CFAP96: variants seen among roughly 807,000 people sequenced by gnomAD.
The protein encoded by CFAP96 is cilia-and flagella-associated protein 96.
the CFAP96 span, chr4:185,418,859 A>T: frequency 4.2e-5 from 44 of 1,043,812 alleles, no homozygotes; most frequent in Middle Eastern, 9.1e-4. Flanking sequence ...GAGCATAGTA[A>T]AACTCTCAAT....
the CFAP96 span, among the ~76,000 whole-genome samples, chr4:185,449,036 C>A: frequency 6.6e-6 from 1 of 152,026 alleles, no homozygotes; most frequent in Non-Finnish European, 1.5e-5. Context: ...ATTTTAAAAC[C>A]AGTAAACCTT....
chr4:185,426,752 C>T, the CFAP96 span, among the ~76,000 whole-genome samples: 1 of 151,988 alleles, frequency 6.6e-6, no homozygotes, highest in East Asian at 1.9e-4. Flanking sequence ...TAGTGGCGGG[C>T]CGGGCGCGGT....
the CFAP96 span, among the ~76,000 whole-genome samples, chr4:185,428,107 T>C: frequency 6.6e-6 from 1 of 151,306 alleles, no homozygotes; most frequent in Admixed American, 6.6e-5. Flanking sequence ...AAAAAATGGT[T>C]CTTACTTTGG....
chr4:185,446,133 G>A, the CFAP96 span, among the ~76,000 whole-genome samples: 18 of 152,054 alleles, frequency 1.2e-4, no homozygotes, highest in African/African-American at 2.2e-4. Flanking sequence ...GAGCCACTGC[G>A]CCCAGCACAA....
chr4:185,415,004 G>C, the CFAP96 span: 4 of 640,446 alleles, frequency 6.2e-6, no homozygotes, highest in Non-Finnish European at 9.9e-6. Flanking sequence ...CATGAGAACA[G>C]AAATTAAATA....
At chr4:185,420,291 C>A in the CFAP96 span, among the ~76,000 whole-genome samples, 1 of 151,748 alleles carries the variant, frequency 6.6e-6, no homozygotes, top group Non-Finnish European at 1.5e-5. Flanking sequence ...TTTGAATATT[C>A]AAAAAATTAG....
the CFAP96 span, among the ~76,000 whole-genome samples, chr4:185,442,683 A>T: frequency 1.3e-5 from 2 of 152,090 alleles, no homozygotes; most frequent in Admixed American, 6.6e-5. Flanking sequence ...CTTAATCTTG[A>T]CTTTAATAGG....
At chr4:185,421,644 T>G in the CFAP96 span, among the ~76,000 whole-genome samples, 1 of 152,212 alleles carries the variant, frequency 6.6e-6, no homozygotes, top group Non-Finnish European at 1.5e-5. Flanking sequence ...TTGTACAGTC[T>G]GCAGAACTGT....
chr4:185,419,663 G>A, the CFAP96 span, among the ~76,000 whole-genome samples: 2 of 152,186 alleles, frequency 1.3e-5, no homozygotes, highest in African/African-American at 4.8e-5. Flanking sequence ...TTTCACATAA[G>A]TGGAATCACA....
the CFAP96 span, chr4:185,415,446 A>C: frequency 9.4e-7 from 1 of 1,063,974 alleles, no homozygotes; most frequent in Non-Finnish European, 1.3e-6. Flanking sequence ...AAAAAACTTG[A>C]TTGGACCAGG....
At chr4:185,415,250 C>T in the CFAP96 span, 17 of 1,604,356 alleles carry the variant, frequency 1.1e-5, no homozygotes, top group South Asian at 1.8e-4. Flanking sequence ...TGCAGTGGTT[C>T]AGGGACCACA....
the CFAP96 span, among the ~76,000 whole-genome samples, chr4:185,418,071 C>CACACACACACA: frequency 0.047 from 7,189 of 151,638 alleles, 208 homozygotes; most frequent in South Asian, 0.081. Context: ...CACACACAAA[C>CACACACACACA]AACAGAACCA....
the CFAP96 span, among the ~76,000 whole-genome samples, chr4:185,448,619 G>A: frequency 2.0e-5 from 3 of 152,178 alleles, no homozygotes; most frequent in Non-Finnish European, 4.4e-5. Context: ...CTGTGGGCTA[G>A]TTGGTAAAGT....
At chr4:185,425,041 T>C in the CFAP96 span, among the ~76,000 whole-genome samples, 28 of 152,208 alleles carry the variant, frequency 1.8e-4, no homozygotes, top group African/African-American at 4.8e-5. Context: ...CTTAGGTGAC[T>C]ACCCCAGATG....
chr4:185,415,445 G>C, the CFAP96 span: 3 of 1,056,562 alleles, frequency 2.8e-6, no homozygotes, highest in Non-Finnish European at 3.9e-6. Flanking sequence ...TAAAAAACTT[G>C]ATTGGACCAG....
the CFAP96 span, chr4:185,415,638 C>T: frequency 7.6e-7 from 1 of 1,308,336 alleles, no homozygotes; most frequent in East Asian, 2.3e-5. Context: ...GGTATACCTA[C>T]AGGATATACA....
chr4:185,408,948 T>C, the CFAP96 span, among the ~76,000 whole-genome samples: 1 of 152,146 alleles, frequency 6.6e-6, no homozygotes, highest in African/African-American at 2.4e-5. Context: ...TCAAAGTATA[T>C]CATGACTTGA....
the CFAP96 span, among the ~76,000 whole-genome samples, chr4:185,438,709 A>G: frequency 6.6e-6 from 1 of 152,140 alleles, no homozygotes; most frequent in Non-Finnish European, 1.5e-5. Flanking sequence ...GAGTGCTGTC[A>G]CATTACTTAG....
At chr4:185,440,562 G>T in the CFAP96 span, 1 of 1,524,170 alleles carries the variant, frequency 6.6e-7, no homozygotes, top group East Asian at 2.6e-5. Context: ...GAGCACCATC[G>T]TTTACTTAAA....
Sources: allele counts gnomAD v4.1 joint callset (sites outside exome capture counted in the v4.1 genomes callset), GRCh38; gene constraint gnomAD v4.1.1; transcripts MANE v1.5; gene names NCBI Gene and HGNC (gene_info 2026-07-23, HGNC 2026-07-21).